The following PCDHGA9 variants were observed in gnomAD, a reference collection of about 807,000 sequenced individuals.
The protein encoded by PCDHGA9 is protocadherin gamma-A9.
Under a neutral mutation model 62.5 loss-of-function variants are expected in PCDHGA9, and 37 were observed. That is an observed-to-expected ratio of 0.59 (90% CI 0.46 to 0.78). The LOEUF (loss-of-function observed/expected upper bound fraction) is 0.78. Ranked by LOEUF, PCDHGA9 falls within the 30% of genes least tolerant of loss-of-function variation. The probability of loss-of-function intolerance (pLI) is 0.00; values close to 1 mark genes in which losing one functional copy is unlikely to be tolerated. For missense variants in PCDHGA9, 1,138 were observed against 1,166.2 expected, an observed-to-expected ratio of 0.98 and a Z score of 0.35; for synonymous variants, 459 against 484.6, an observed-to-expected ratio of 0.95 and a Z score of 0.69.
At chr5:141,410,362 C>A (rs1270552318) in intron 1 of PCDHGA9, 13 of 1,613,954 alleles carry the variant, frequency 8.1e-6, no homozygotes, top group Non-Finnish European at 1.0e-5. Context: ...GCTCTCTCAG[C>A]CCTGCTACTT....
chr5:141,410,485 A>G, intron 1 of PCDHGA9: 3 of 1,614,016 alleles, frequency 1.9e-6, no homozygotes, highest in Non-Finnish European at 1.7e-6. Flanking sequence ...ATACGGGTAC[A>G]AAAGAGTTTA....
At chr5:141,414,422 G>T (rs369608304) in intron 1 of PCDHGA9, 1 of 1,613,866 alleles carries the variant, frequency 6.2e-7, no homozygotes, top group Non-Finnish European at 8.5e-7. Context: ...GCCCTTGACA[G>T]GGAACAGGTA....
chr5:141,499,253 T>C (rs1189676230), intron 2 of PCDHGA9, among the ~76,000 whole-genome samples: 1 of 152,030 alleles, frequency 6.6e-6, no homozygotes, highest in Non-Finnish European at 1.5e-5. Context: ...ACAAAGAGTC[T>C]CCATTTGGTC....
intron 1 of PCDHGA9, chr5:141,423,195 G>A: frequency 1.2e-6 from 2 of 1,613,544 alleles, no homozygotes; most frequent in Non-Finnish European, 8.5e-7. Flanking sequence ...CCCCTCTCTC[G>A]GCCACCGTCA....
chr5:141,478,378 G>C, intron 1 of PCDHGA9: 1 of 1,613,558 alleles, frequency 6.2e-7, no homozygotes, highest in Non-Finnish European at 8.5e-7. Flanking sequence ...TGATGTCGCC[G>C]CACCTTTACC....
At chr5:141,480,873 C>T (rs1026513782) in intron 1 of PCDHGA9, among the ~76,000 whole-genome samples, 5 of 152,050 alleles carry the variant, frequency 3.3e-5, no homozygotes, top group Non-Finnish European at 7.4e-5. Context: ...GGTGAAACCC[C>T]GTCTCTACTA....
At chr5:141,411,783 G>C (rs1191623081) in intron 1 of PCDHGA9, 1 of 152,338 alleles carries the variant, frequency 6.6e-6, no homozygotes, top group Non-Finnish European at 1.5e-5. Context: ...TCTGGTGGCT[G>C]TGGTGGGAGA....
At chr5:141,446,831 T>C (rs1237079019) in intron 1 of PCDHGA9, among the ~76,000 whole-genome samples, 2 of 152,186 alleles carry the variant, frequency 1.3e-5, no homozygotes, top group East Asian at 3.9e-4. Context: ...TAGATCCTTA[T>C]AAGGCTGAGC....
intron 1 of PCDHGA9, chr5:141,415,113 C>G: frequency 1.2e-6 from 2 of 1,613,642 alleles, no homozygotes; most frequent in Non-Finnish European, 1.7e-6. Context: ...AGCAAAGCCT[C>G]GTAGTGGCCG....
chr5:141,430,673 C>A, intron 1 of PCDHGA9: 1 of 1,288,318 alleles, frequency 7.8e-7, no homozygotes, highest in Non-Finnish European at 1.0e-6. Flanking sequence ...TCTGACTTCC[C>A]AACTGTCCCA....
In PCDHGA9 at chr5:141,491,770, G is replaced by A; in HGVS notation, c.2425-3037G>A. 6.4e-7 allele frequency: 1 copy of A among 1,560,888 alleles called. No individual in the cohort carries two copies. Among genetic ancestry groups the A allele is most frequent in the Non-Finnish European group, 8.7e-7 (1 of 1,154,942 alleles). On this transcript the variant is annotated intron_variant, in intron 1 of 3. Coordinates refer to ENST00000573521, the MANE Select transcript of PCDHGA9 (RefSeq NM_018921.3). This position sits in a 1 kb window ranked among gnomAD's most constrained non-coding sequence, Gnocchi z 6.9. ...TGGAGAAGCCGCCCGTCCTCATAAG[G>A]GATTGAACTTGCATCCACTCCTCTC...
Position 141,421,056 on chromosome 5 carries a change from A to G in PCDHGA9, c.2424+15680A>G, listed in dbSNP as rs1378326708. On this transcript the variant is annotated intron_variant, in intron 1 of 3. Coordinates refer to ENST00000573521, the MANE Select transcript of PCDHGA9 (RefSeq NM_018921.3). ...TCCCTCCCTCCCCCGCCTCTACCACACAAAGCGGAATGAGATGGATACTCA... is the reference window on the plus strand; with the variant it reads ...TCCCTCCCTCCCCCGCCTCTACCACGCAAAGCGGAATGAGATGGATACTCA... 5 of 576,490 alleles carry G rather than the reference A, an allele frequency of 8.7e-6. No individual in the cohort carries two copies. In the East Asian group the frequency reaches 9.2e-5, roughly 11 times the overall value. The allele number at this position is 576,490 out of a possible 1,614,324, so 35.7% of individuals were successfully genotyped here. A position where few individuals can be genotyped will look rare whatever the true frequency, so the allele number is the denominator to read the frequency against.
chr5:141,428,037 C>T, intron 1 of PCDHGA9: 1 of 1,608,458 alleles, frequency 6.2e-7, no homozygotes, highest in South Asian at 1.1e-5. Context: ...GTCCGGCTAC[C>T]TGGTGACCAA....
intron 1 of PCDHGA9, chr5:141,478,046 C>A (rs762982394): frequency 3.7e-6 from 6 of 1,614,172 alleles, no homozygotes; most frequent in Non-Finnish European, 5.1e-6. Flanking sequence ...CAGGCAGACT[C>A]TCACGGTCTT....
intron 1 of PCDHGA9, among the ~76,000 whole-genome samples, chr5:141,425,869 C>T (rs1376765137): frequency 2.0e-5 from 3 of 152,198 alleles, no homozygotes. Context: ...TATAGATTCC[C>T]ATCTCTAAGG....
intron 1 of PCDHGA9, chr5:141,414,814 A>C (rs1368279926): frequency 6.2e-7 from 1 of 1,614,100 alleles, no homozygotes; most frequent in African/African-American, 1.3e-5. Flanking sequence ...TCCTCCACTC[A>C]GCAGCAACGT....
In PCDHGA9 at chr5:141,414,978, C is replaced by T. The variant is rs757917979; in HGVS notation, c.2424+9602C>T. On this transcript the variant is annotated intron_variant, in intron 1 of 3. Coordinates refer to ENST00000573521, the MANE Select transcript of PCDHGA9 (RefSeq NM_018921.3). The stretch of plus-strand genomic sequence containing the variant: ...CCAAGGTGGTGGCGGTGGACAGAGA[C>T]TCCGGCCAGAACGCCTGGCTGTCCT... 8 of 1,613,878 alleles carry T rather than the reference C, an allele frequency of 5.0e-6. No individual in the cohort carries two copies. The South Asian group carries it at 8.8e-5, about 18-fold the overall frequency.
At chr5:141,502,139 C>G (rs923501238) in intron 2 of PCDHGA9, among the ~76,000 whole-genome samples, 1 of 152,104 alleles carries the variant, frequency 6.6e-6, no homozygotes, top group Non-Finnish European at 1.5e-5. Flanking sequence ...TCAGTCGGGC[C>G]GGAAGTAAGG....
At chr5:141,451,703 A>C (rs975120935) in intron 1 of PCDHGA9, among the ~76,000 whole-genome samples, 2 of 152,144 alleles carry the variant, frequency 1.3e-5, no homozygotes, top group Non-Finnish European at 2.9e-5. Context: ...GTAACATGAC[A>C]AAACCCTGCC....
Sources: allele counts gnomAD v4.1 joint callset (sites outside exome capture counted in the v4.1 genomes callset), GRCh38; gene constraint gnomAD v4.1.1; non-coding constraint Gnocchi (gnomAD v3.1); transcripts MANE v1.5; gene names NCBI Gene and HGNC (gene_info 2026-07-23, HGNC 2026-07-21).